MYO6: variants seen among roughly 807,000 people sequenced by gnomAD.
MYO6 encodes the protein unconventional myosin-VI.
Under a neutral mutation model 178.7 loss-of-function variants are expected in MYO6, and 74 were observed. The ratio of observed to expected loss-of-function variants is 0.41; its 90% CI spans 0.34 to 0.50. The LOEUF is 0.50. Ranked by LOEUF, MYO6 falls within the 20% of genes least tolerant of loss-of-function variation. The pLI is 0.09. For synonymous variants in MYO6, 477 were observed against 504.6 expected (o/e 0.95, Z 0.73); for missense variants, 1,330 against 1,547.4 (o/e 0.86, Z 2.36).
intron 1 of MYO6, among the ~76,000 whole-genome samples, chr6:75,755,227 C>T (rs974268381): frequency 2.0e-5 from 3 of 152,014 alleles, no homozygotes; most frequent in South Asian, 2.1e-4. Flanking sequence ...AGCAAGATCC[C>T]GTCTCTAAAT....
chr6:75,783,404 G>A (rs540472883), intron 1 of MYO6, among the ~76,000 whole-genome samples: 2 of 152,316 alleles, frequency 1.3e-5, no homozygotes, highest in South Asian at 2.1e-4. Flanking sequence ...TTAGGACGTC[G>A]AAGTAGACTT....
chr6:75,759,473 A>C (rs752854764), intron 1 of MYO6, among the ~76,000 whole-genome samples: 2 of 152,190 alleles, frequency 1.3e-5, no homozygotes, highest in Non-Finnish European at 2.9e-5. Flanking sequence ...GCGGTTTTGA[A>C]GCAGGAGGGG....
chr6:75,908,945 G>A (rs1177430281), intron 32 of MYO6, among the ~76,000 whole-genome samples: 4 of 152,144 alleles, frequency 2.6e-5, no homozygotes, highest in Non-Finnish European at 5.9e-5. Flanking sequence ...ATGTGAAAAT[G>A]TCAGGATTGC....
At chr6:75,780,858 A>G (rs967908725) in intron 1 of MYO6, among the ~76,000 whole-genome samples, 7 of 151,562 alleles carry the variant, frequency 4.6e-5, no homozygotes, top group African/African-American at 7.3e-5. Flanking sequence ...CCCAGGCTAG[A>G]GTGCAGTGGC....
intron 29 of MYO6, among the ~76,000 whole-genome samples, chr6:75,897,989 T>C (rs1250355243): frequency 6.6e-6 from 1 of 152,232 alleles, no homozygotes; most frequent in Non-Finnish European, 1.5e-5. Context: ...ATCTAAGTAA[T>C]ATTTACTAAG....
intron 1 of MYO6, among the ~76,000 whole-genome samples, chr6:75,813,298 G>T (rs192720853): frequency 2.8e-4 from 42 of 152,190 alleles, no homozygotes; most frequent in African/African-American, 9.2e-4. Context: ...GAGTCTCTCT[G>T]CATGGCCACC....
At chr6:75,806,396 A>G (rs1483921504) in intron 1 of MYO6, among the ~76,000 whole-genome samples, 10 of 152,120 alleles carry the variant, frequency 6.6e-5, no homozygotes, top group Admixed American at 5.9e-4. Context: ...TCAAAAAAAA[A>G]AAAAAAATTA....
intron 28 of MYO6, 39 bp from the exon 29 acceptor site, chr6:75,895,192 A>G (rs773712165): frequency 2.6e-6 from 4 of 1,519,818 alleles, no homozygotes; most frequent in South Asian, 2.3e-5. Flanking sequence ...ACAGTTCACA[A>G]TTGGTTACGA....
Position 75,786,262 on chromosome 6 carries a change from C to T in MYO6, c.-47-31239C>T, listed in dbSNP as rs73460991. 2.2e-3 allele frequency among the ~76,000 whole-genome samples: 336 copies of T among 152,094 alleles called. 1 individual carries two copies. The highest frequency in any genetic ancestry group is 7.8e-3 in the African/African-American group (323 of 41,500). On this transcript the variant is annotated intron_variant, in intron 1 of 34. Coordinates refer to ENST00000369977, the MANE Select transcript of MYO6 (RefSeq NM_004999.4). ...ATATATATAAATCTTTGCTCTTTTT[C>T]CTTGGTCTGTCTGTTCATGCACTAT... is the stretch of plus-strand genomic sequence containing the variant.
intron 6 of MYO6, among the ~76,000 whole-genome samples, chr6:75,835,126 T>A (rs1376196941): frequency 6.6e-6 from 1 of 152,238 alleles, no homozygotes; most frequent in East Asian, 1.9e-4. Flanking sequence ...TTGCCTCATT[T>A]TCTGTAGCCA....
chr6:75,811,041 A>G (rs569839723), intron 1 of MYO6, among the ~76,000 whole-genome samples: 12 of 150,682 alleles, frequency 8.0e-5, no homozygotes, highest in African/African-American at 2.4e-4. Context: ...GCATACCCAT[A>G]ATTGTTTTTG....
rs961599220 is a variant in MYO6 at position 75,918,834 on chromosome 6, T to A, written c.*3822T>A. 1 of 152,176 alleles carries A rather than the reference T, an allele frequency of 6.6e-6. No individual in the cohort carries two copies. The highest frequency in any genetic ancestry group is 1.5e-5 in the Non-Finnish European group (1 of 68,050). The allele number at this position is 152,176 out of a possible 1,614,324, so 9.4% of individuals were successfully genotyped here. A position where few individuals can be genotyped will look rare whatever the true frequency, so the allele number is the denominator to read the frequency against. ...CAAATTTGTTTTTTTAAAAATAGAT[T>A]TAGGGCTGGGCGCGGTGGCTCACGC... On this transcript the variant is annotated 3_prime_UTR_variant, in exon 35 of 35. Coordinates refer to ENST00000369977, the MANE Select transcript of MYO6 (RefSeq NM_004999.4).
At chr6:75,779,152 G>A (rs1766705361) in intron 1 of MYO6, among the ~76,000 whole-genome samples, 1 of 150,964 alleles carries the variant, frequency 6.6e-6, no homozygotes, top group Non-Finnish European at 1.5e-5. Context: ...TTCCATCTTG[G>A]CCTCCCAAAG....
chr6:75,881,969 T>C, intron 23 of MYO6, 151 bp downstream of exon 23: 1 of 834,324 alleles, frequency 1.2e-6, no homozygotes, highest in Non-Finnish European at 1.9e-6. Flanking sequence ...ATGTTCTTTC[T>C]TTTTTTATTT....
chr6:75,891,407 C>T (rs1444595064), intron 27 of MYO6, 101 bp downstream of exon 27: 34 of 772,614 alleles, frequency 4.4e-5, no homozygotes, highest in East Asian at 4.3e-4. Flanking sequence ...CCGAGGCGGG[C>T]GGATCACGAG....
chr6:75,861,403 C>T (rs555222006), intron 15 of MYO6, among the ~76,000 whole-genome samples: 1 of 152,272 alleles, frequency 6.6e-6, no homozygotes, highest in East Asian at 1.9e-4. Flanking sequence ...ATTTATTCAC[C>T]TGAGGAAGTC....
intron 1 of MYO6, among the ~76,000 whole-genome samples, chr6:75,758,492 G>A (rs568730543): frequency 6.6e-6 from 1 of 152,118 alleles, no homozygotes; most frequent in East Asian, 1.9e-4. Context: ...ATGGAGTCTC[G>A]CTCTGTCACC....
Position 75,854,400 on chromosome 6 carries a change from G to A in MYO6, c.1079-739G>A, listed in dbSNP as rs192266061. Among the ~76,000 whole-genome samples, 13 of 143,842 alleles carry A rather than the reference G, an allele frequency of 9.0e-5. No homozygotes were observed. The East Asian group carries it at 2.5e-3, about 28-fold the overall frequency. 94.4% of individuals were successfully genotyped at this position (143,842 alleles called of 152,430 possible). A position where few individuals can be genotyped will look rare whatever the true frequency, so the allele number is the denominator to read the frequency against. ...TAACAGTAAATAAGGAAAAGAGGAA[G>A]CATTTGTACTGATCTCTAGCACAGA... On this transcript the variant is annotated intron_variant, in intron 11 of 34. Transcript: ENST00000369977.
intron 11 of MYO6, among the ~76,000 whole-genome samples, chr6:75,851,688 A>G (rs531143850): frequency 6.6e-6 from 1 of 152,000 alleles, no homozygotes; most frequent in Non-Finnish European, 1.5e-5. Flanking sequence ...ACACACACAC[A>G]AAATAAATTA....
Sources: allele counts gnomAD v4.1 joint callset (sites outside exome capture counted in the v4.1 genomes callset), GRCh38; gene constraint gnomAD v4.1.1; transcripts MANE v1.5; gene names NCBI Gene and HGNC (gene_info 2026-07-23, HGNC 2026-07-21).